TRPM7: variants seen among roughly 807,000 people sequenced by gnomAD.
TRPM7 encodes the protein transient receptor potential cation channel subfamily M member 7, also known as LTRPC ion channel family member 7.
TRPM7 carries 134 observed loss-of-function variants against 229.7 expected under a neutral mutation model. That is an observed-to-expected ratio of 0.58 (90% CI 0.51 to 0.67). The LOEUF is 0.67. TRPM7 is among the 30% of genes least tolerant of loss of function. TRPM7 has a pLI of 0.00. For synonymous variants in TRPM7, 699 were observed against 715.2 expected (o/e 0.98, Z 0.36); for missense variants, 1,901 against 2,210.0 (o/e 0.86, Z 2.80).
At chr15:50,588,103 G>T in intron 27 of TRPM7, 1 of 398,384 alleles carries the variant, frequency 2.5e-6, no homozygotes, top group Non-Finnish European at 3.4e-6. Context: ...TAGGTCCGCT[G>T]AACCTACACC....
At chr15:50,613,563 G>A (rs1435773612) in intron 15 of TRPM7, 144 bp downstream of exon 15, 3 of 446,074 alleles carry the variant, frequency 6.7e-6, no homozygotes, top group Admixed American at 4.4e-5. Flanking sequence ...ATCTCTGTGT[G>A]TGAGAAAATG....
intron 3 of TRPM7, among the ~76,000 whole-genome samples, chr15:50,650,508 A>G (rs529130133): frequency 6.6e-6 from 1 of 152,154 alleles, no homozygotes; most frequent in South Asian, 2.1e-4. Context: ...CAGCCTGACC[A>G]ATATGGTGAA....
chr15:50,620,749 G>A (rs1042084161), intron 12 of TRPM7, among the ~76,000 whole-genome samples: 1 of 152,066 alleles, frequency 6.6e-6, no homozygotes, highest in Non-Finnish European at 1.5e-5. Context: ...TGACCAACAC[G>A]CAGAAACCCC....
At chr15:50,595,266 C>T (rs115572028) in intron 23 of TRPM7, among the ~76,000 whole-genome samples, 5,258 of 150,988 alleles carry the variant, frequency 0.035, 305 homozygotes, top group African/African-American at 0.12. Flanking sequence ...TCAGTGTGGG[C>T]CGAGTTGAGG....
In TRPM7 at chr15:50,596,268, TA is replaced by T; in HGVS notation, c.3276del (p.Ile1093LeufsTer11). On this transcript the variant is annotated frameshift_variant, in exon 23 of 39. Transcript: ENST00000646667. LOFTEE classifies it high-confidence loss of function. The part of the protein sequence containing the change: ...FVQYIIMVNL[L>X]IAFFNNVYLQ... ...CAAAATTCTTACTTGAAAAATGCAATAAGAAGATTAACCATAATGATATACT... is the reference window on the plus strand; with the variant it reads ...CAAAATTCTTACTTGAAAAATGCAATAGAAGATTAACCATAATGATATACT... The T allele has an allele frequency of 6.6e-7, 1 of 1,518,800 alleles. No individual in the cohort carries two copies. Among genetic ancestry groups the T allele is most frequent in the South Asian group, 1.3e-5 (1 of 74,552 alleles). 94.1% of individuals were successfully genotyped at this position (1,518,800 alleles called of 1,614,324 possible). A position where few individuals can be genotyped will look rare whatever the true frequency, so the allele number is the denominator to read the frequency against.
chr15:50,631,755 A>G lies in TRPM7; in HGVS notation c.1132-266T>C, dbSNP rs973379424. On this transcript the variant is annotated intron_variant, in intron 9 of 38. Coordinates refer to ENST00000646667, the MANE Select transcript of TRPM7 (RefSeq NM_017672.6). Reference sequence around the variant, plus strand: ...AAATATACTAAAAATATTTGGTTTCATATTACATTCATATTTTGACCTATC... The same window carrying G: ...AAATATACTAAAAATATTTGGTTTCGTATTACATTCATATTTTGACCTATC... Among the ~76,000 whole-genome samples the G allele has an allele frequency of 1.3e-4, 20 of 152,310 alleles. No individual in the cohort carries two copies. In the East Asian group the frequency reaches 3.7e-3, roughly 28 times the overall value.
At chr15:50,577,467 A>C (rs1303039572) in intron 31 of TRPM7, among the ~76,000 whole-genome samples, 1 of 152,052 alleles carries the variant, frequency 6.6e-6, no homozygotes, top group Non-Finnish European at 1.5e-5. Context: ...GAACTGCTTG[A>C]ACCTGGGAGG....
intron 38 of TRPM7, among the ~76,000 whole-genome samples, chr15:50,563,186 TCA>T (rs2053405729): frequency 6.6e-6 from 1 of 152,234 alleles, no homozygotes; most frequent in African/African-American, 2.4e-5. Flanking sequence ...ACTCATTTGT[TCA>T]CAGTCTGTGG....
In TRPM7 at chr15:50,593,647, C is replaced by A. The variant is rs368153984; in HGVS notation, c.3578G>T (p.Ser1193Ile). The change falls in exon 25 of 39, where the codon AGT becomes ATT. Residue 1193 changes from serine to isoleucine, a missense_variant. Physicochemically the swap from Ser to Ile is moderately radical, Grantham distance 142. Transcript: ENST00000646667. ...NEKDDKFHSG[S>I]EERIRVTFER... ...AAAAGTGACACGAATTCTCTCTTCACTCCCAGAATGAAATTTGTCATCTTT... is the reference window on the plus strand; with the variant it reads ...AAAAGTGACACGAATTCTCTCTTCAATCCCAGAATGAAATTTGTCATCTTT... 6.2e-7 allele frequency: 1 copy of A among 1,611,916 alleles called. No individual in the cohort carries two copies. The highest frequency in any genetic ancestry group is 1.3e-5 in the African/African-American group (1 of 74,894).
intron 31 of TRPM7, among the ~76,000 whole-genome samples, chr15:50,577,084 C>T (rs1162437004): frequency 1.3e-5 from 2 of 151,520 alleles, no homozygotes; most frequent in South Asian, 2.1e-4. Flanking sequence ...TGCACTCCAA[C>T]CTGGTGACAG....
intron 2 of TRPM7, among the ~76,000 whole-genome samples, chr15:50,661,727 T>C (rs2061729275): frequency 2.0e-5 from 3 of 152,170 alleles, no homozygotes; most frequent in African/African-American, 7.2e-5. Flanking sequence ...GAAATGAAAG[T>C]TGCAGAGAAG....
In TRPM7 at chr15:50,611,246, G is replaced by A. The variant is rs756927935; in HGVS notation, c.2127C>T (p.Leu709=). Residue 709 remains leucine, a synonymous_variant, in exon 17 of 39, where the codon CTC becomes CTT. Coordinates refer to ENST00000646667, the MANE Select transcript of TRPM7 (RefSeq NM_017672.6). ...TACTCCAGTTCTTCAGTTCATAAGT[G>A]AGCAATTTCATAGCCATGGTTTCAT... The part of the protein sequence containing the change: ...RQDETMAMKL[L]TYELKNWSNS... 1.9e-6 allele frequency: 3 copies of A among 1,613,866 alleles called. No homozygotes were observed. Among genetic ancestry groups the A allele is most frequent in the Admixed American group, 1.7e-5 (1 of 59,988 alleles).
intron 1 of TRPM7, among the ~76,000 whole-genome samples, chr15:50,681,080 G>A (rs958891766): frequency 2.0e-5 from 3 of 151,974 alleles, no homozygotes; most frequent in African/African-American, 4.8e-5. Flanking sequence ...GTGAAACTCC[G>A]TCTCTACCAA....
At chr15:50,630,428 T>A (rs1012483630) in intron 10 of TRPM7, among the ~76,000 whole-genome samples, 1 of 152,178 alleles carries the variant, frequency 6.6e-6, no homozygotes, top group African/African-American at 2.4e-5. Flanking sequence ...ACAGATGGGA[T>A]ACCGTCATAG....
At chr15:50,590,598 A>G (rs2059461842) in intron 26 of TRPM7, among the ~76,000 whole-genome samples, 2 of 152,218 alleles carry the variant, frequency 1.3e-5, no homozygotes, top group Non-Finnish European at 2.9e-5. Context: ...GAGAAAATAT[A>G]TATGATATAT....
At chr15:50,569,564 T>C (rs1025144888) in intron 38 of TRPM7, among the ~76,000 whole-genome samples, 3 of 152,194 alleles carry the variant, frequency 2.0e-5, no homozygotes, top group African/African-American at 7.2e-5. Context: ...AACTCCCTGC[T>C]AATCTTGTCA....
chr15:50,649,273 C>CA (rs2061351666), intron 3 of TRPM7, among the ~76,000 whole-genome samples: 1 of 151,800 alleles, frequency 6.6e-6, no homozygotes. Flanking sequence ...CCTGACTTGA[C>CA]AAAAAATTTT....
At chr15:50,641,087 T>C (rs532884483) in intron 5 of TRPM7, among the ~76,000 whole-genome samples, 1 of 152,288 alleles carries the variant, frequency 6.6e-6, no homozygotes, top group East Asian at 1.9e-4. Flanking sequence ...GAAAATAGCA[T>C]CTTCGTAGGT....
rs148045401 is a variant in TRPM7, at chr15:50,619,619, T to G, written c.1494+126A>C. On this transcript the variant is annotated intron_variant, in intron 13 of 38. Coordinates refer to ENST00000646667, the MANE Select transcript of TRPM7 (RefSeq NM_017672.6). The stretch of plus-strand genomic sequence containing the variant: ...CACAAATTCAGCCCATATTTTATCT[T>G]GTTCTGTAAACTGTAATTTTATTGG... 31 of 791,084 alleles carry G rather than the reference T, an allele frequency of 3.9e-5. 1 individual carries two copies. In the East Asian group the frequency reaches 8.5e-4, roughly 22 times the overall value. The allele number at this position is 791,084 out of a possible 1,614,324, so 49.0% of individuals were successfully genotyped here.
Sources: allele counts gnomAD v4.1 joint callset (sites outside exome capture counted in the v4.1 genomes callset), GRCh38; gene constraint gnomAD v4.1.1; transcripts MANE v1.5; gene names NCBI Gene and HGNC (gene_info 2026-07-23, HGNC 2026-07-21).